MCF2L: variants seen among roughly 807,000 people sequenced by gnomAD.
MCF2L encodes the protein guanine nucleotide exchange factor DBS.
In MCF2L, 97 loss-of-function variants were observed where a neutral mutation model predicts 153.4. The ratio of observed to expected loss-of-function variants is 0.63; its 90% confidence interval spans 0.54 to 0.75. MCF2L has a LOEUF of 0.75. Ranked by LOEUF, MCF2L falls within the 30% of genes least tolerant of loss-of-function variation. The probability of loss-of-function intolerance (pLI) is 0.00; values close to 1 mark genes in which losing one functional copy is unlikely to be tolerated. For missense variants in MCF2L, 1,347 were observed against 1,495.2 expected (o/e 0.90, Z 1.64); for synonymous variants, 659 against 632.2 (o/e 1.04, Z -0.64).
intron 1 of MCF2L, among the ~76,000 whole-genome samples, chr13:112,972,911 G>A (rs982207082): frequency 6.9e-6 from 1 of 143,952 alleles, no homozygotes; most frequent in Admixed American, 7.0e-5. Flanking sequence ...TCCTGGGAAG[G>A]GCCTGTGGCC....
chr13:113,089,862 C>A (rs768023829), intron 26 of MCF2L, 134 bp downstream of exon 26: 2 of 1,612,818 alleles, frequency 1.2e-6, no homozygotes, highest in Admixed American at 3.3e-5. Context: ...GCCCCTTGCT[C>A]CCCTCTTAAC....
Position 113,064,280 on chromosome 13 carries a change from C to A in MCF2L, c.490-24C>A. On this transcript the variant is annotated intron_variant, in intron 5 of 29. Coordinates refer to ENST00000535094, the MANE Select transcript of MCF2L (RefSeq NM_001112732.3). The surrounding 1 kb of genome is among the most constrained non-coding windows in gnomAD (Gnocchi z 6.0). ...GAGCCAACAATAATCCCAAACACTACCACGCATTCCCTTTCTCCTCCAGGT... is the reference window on the plus strand; with the variant it reads ...GAGCCAACAATAATCCCAAACACTAACACGCATTCCCTTTCTCCTCCAGGT... 1 of 1,527,714 alleles carries A rather than the reference C, an allele frequency of 6.5e-7. No individual in the cohort carries two copies. Among genetic ancestry groups the A allele is most frequent in the South Asian group, 1.1e-5 (1 of 89,346 alleles). 94.6% of individuals were successfully genotyped at this position (1,527,714 alleles called of 1,614,324 possible). A position where few individuals can be genotyped will look rare whatever the true frequency, so the allele number is the denominator to read the frequency against.
chr13:113,063,578 G>T (rs1407803876), intron 5 of MCF2L, among the ~76,000 whole-genome samples: 1 of 152,208 alleles, frequency 6.6e-6, no homozygotes, highest in Non-Finnish European at 1.5e-5. Flanking sequence ...GCTTGGCTTT[G>T]CAAGCAGTCA....
intron 1 of MCF2L, among the ~76,000 whole-genome samples, chr13:112,981,821 G>A (rs552133201): frequency 4.6e-5 from 7 of 152,228 alleles, no homozygotes; most frequent in East Asian, 1.9e-4. Context: ...TGGCATGGAC[G>A]CCTGGGGACT....
chr13:112,949,519 A>G (rs2081669592), intron 2 of MCF2L, among the ~76,000 whole-genome samples: 2 of 152,208 alleles, frequency 1.3e-5, no homozygotes, highest in Admixed American at 1.3e-4. Context: ...GATAAAGAGA[A>G]TTATCCACCA....
chr13:112,998,394 G>A (rs1035796866), intron 1 of MCF2L, among the ~76,000 whole-genome samples: 2 of 152,188 alleles, frequency 1.3e-5, no homozygotes, highest in African/African-American at 4.8e-5. Flanking sequence ...GGCCTGGCCG[G>A]GGCTGTTGGG....
At chr13:113,065,836 GC>G (rs1054532080) in intron 7 of MCF2L, among the ~76,000 whole-genome samples, 3 of 152,208 alleles carry the variant, frequency 2.0e-5, no homozygotes, top group African/African-American at 7.2e-5. Flanking sequence ...TGGCAGCTCT[GC>G]CCCGGGGCAC....
chr13:113,060,466 T>C, intron 4 of MCF2L, 127 bp from the exon 5 acceptor site: 2 of 1,054,710 alleles, frequency 1.9e-6, no homozygotes, highest in East Asian at 2.4e-5. Flanking sequence ...AGCATAAACC[T>C]GCTGCGTTGA....
chr13:112,995,378 C>CG (rs1392411976), intron 1 of MCF2L, among the ~76,000 whole-genome samples: 3 of 152,194 alleles, frequency 2.0e-5, no homozygotes, highest in Non-Finnish European at 4.4e-5. Flanking sequence ...CCCAGTATAC[C>CG]GTCAGCACTA....
At chr13:112,985,355 G>A (rs374520506) in intron 1 of MCF2L, 160 of 468,980 alleles carry the variant, frequency 3.4e-4, no homozygotes, top group African/African-American at 2.3e-3. Flanking sequence ...AGGGCAGCGC[G>A]CGTCCTCCCC....
At chr13:112,947,606 T>G (rs1169312285) in intron 2 of MCF2L, among the ~76,000 whole-genome samples, 1 of 152,186 alleles carries the variant, frequency 6.6e-6, no homozygotes, top group African/African-American at 2.4e-5. Context: ...GCAAACAACA[T>G]TAAATCTTAA....
At chr13:113,089,550 G>A (rs1050936501) in intron 25 of MCF2L, 60 bp from the exon 26 acceptor site, 116 of 1,161,318 alleles carry the variant, frequency 1.0e-4, no homozygotes, top group Admixed American at 4.0e-4. Flanking sequence ...TCCTCAGGGC[G>A]TTCTGAAAGA....
intron 1 of MCF2L, among the ~76,000 whole-genome samples, chr13:112,897,339 C>T (rs574941696): frequency 7.2e-5 from 11 of 152,160 alleles, no homozygotes; most frequent in African/African-American, 1.7e-4. Flanking sequence ...CAGCATGAAC[C>T]GGACTCAGTT....
At chr13:112,987,297 G>A (rs963080209) in intron 1 of MCF2L, among the ~76,000 whole-genome samples, 25 of 9,130 alleles carry the variant, frequency 2.7e-3, no homozygotes, top group Non-Finnish European at 0.027. Context: ...AGAGGGTGGC[G>A]TGCGCCTGGA....
chr13:112,922,835 TACAA>T (rs755420424), intron 2 of MCF2L, among the ~76,000 whole-genome samples: 20 of 152,274 alleles, frequency 1.3e-4, no homozygotes, highest in African/African-American at 3.4e-4. Context: ...ACTCCATCTC[TACAA>T]ACAAACAAAC....
intron 1 of MCF2L, among the ~76,000 whole-genome samples, chr13:113,003,645 CCTT>C (rs2083508679): frequency 6.6e-6 from 1 of 152,190 alleles, no homozygotes; most frequent in Admixed American, 6.5e-5. Flanking sequence ...GAGGAATTGT[CCTT>C]CTGAGCCCTG....
intron 3 of MCF2L, among the ~76,000 whole-genome samples, chr13:113,026,281 T>C (rs867293308): frequency 3.6e-5 from 4 of 110,400 alleles, no homozygotes; most frequent in Non-Finnish European, 8.1e-5. Context: ...GGTTCCACCA[T>C]GGTGGGGTCC....
At chr13:113,013,655 G>A (rs1247062702) in intron 1 of MCF2L, among the ~76,000 whole-genome samples, 1 of 152,222 alleles carries the variant, frequency 6.6e-6, no homozygotes, top group Admixed American at 6.5e-5. Context: ...GGGTCCTCAG[G>A]TGTGGAAAAA....
At chr13:113,052,597 G>T in intron 4 of MCF2L, 2 of 165,818 alleles carry the variant, frequency 1.2e-5, no homozygotes. Flanking sequence ...GGGAGATGCA[G>T]CTGCCCCACG....
Sources: allele counts gnomAD v4.1 joint callset (sites outside exome capture counted in the v4.1 genomes callset), GRCh38; gene constraint gnomAD v4.1.1; non-coding constraint Gnocchi (gnomAD v3.1); transcripts MANE v1.5; gene names NCBI Gene and HGNC (gene_info 2026-07-23, HGNC 2026-07-21).